FTCDNL1: variants seen among roughly 807,000 people sequenced by gnomAD.
FTCDNL1 encodes formiminotransferase N-terminal subdomain-containing protein.
In FTCDNL1, 11 loss-of-function variants were observed where a neutral mutation model predicts 5.9. The ratio of observed to expected loss-of-function variants is 1.87; its 90% confidence interval spans 1.18 to 3.10. FTCDNL1 has a LOEUF of 3.10. Ranked by LOEUF, FTCDNL1 falls within the 30% of genes most tolerant of loss-of-function variation. The pLI, the probability that FTCDNL1 is intolerant of heterozygous loss-of-function variation, is 0.00. For missense variants in FTCDNL1, 115 were observed against 65.5 expected, an observed-to-expected ratio of 1.76 and a Z score of -2.61; for synonymous variants, 58 against 24.8, an observed-to-expected ratio of 2.34 and a Z score of -3.99.
At chr2:199,697,160 T>C in the FTCDNL1 span, among the ~76,000 whole-genome samples, 2 of 152,044 alleles carry the variant, frequency 1.3e-5, no homozygotes, top group East Asian at 1.9e-4. Context: ...TAGTCCCAGC[T>C]ACTCGGGAGG....
chr2:199,700,150 C>T, the FTCDNL1 span, among the ~76,000 whole-genome samples: 1 of 152,090 alleles, frequency 6.6e-6, no homozygotes, highest in East Asian at 1.9e-4. Flanking sequence ...CCTAGAAACC[C>T]CCATAGTCTC....
the FTCDNL1 span, among the ~76,000 whole-genome samples, chr2:199,735,115 G>GGAAAAAAAA: frequency 1.2e-5 from 1 of 81,600 alleles, no homozygotes; most frequent in African/African-American, 4.7e-5. Flanking sequence ...ACTACCTTTA[G>GGAAAAAAAA]AAAAAAAAAA....
At chr2:199,780,992 G>T (rs866572855) in intron 3 of FTCDNL1, among the ~76,000 whole-genome samples, 3 of 152,154 alleles carry the variant, frequency 2.0e-5, no homozygotes, top group African/African-American at 4.8e-5. Context: ...CACAATCTCT[G>T]CCACAATGTA....
intron 3 of FTCDNL1, among the ~76,000 whole-genome samples, chr2:199,830,170 T>C (rs1362454277): frequency 6.6e-6 from 1 of 152,192 alleles, no homozygotes; most frequent in Admixed American, 6.5e-5. Context: ...TTTCTTACTT[T>C]CATATTTTTT....
chr2:199,835,829 T>A (rs1702694049), intron 3 of FTCDNL1, among the ~76,000 whole-genome samples: 4 of 152,082 alleles, frequency 2.6e-5, no homozygotes, highest in African/African-American at 9.7e-5. Flanking sequence ...AAACTCTGAG[T>A]GTTGTAGATA....
chr2:199,779,530 A>C (rs1197599931), intron 3 of FTCDNL1, among the ~76,000 whole-genome samples: 2 of 152,180 alleles, frequency 1.3e-5, no homozygotes, highest in Non-Finnish European at 2.9e-5. Context: ...CCACATGTGC[A>C]CTCATGATTT....
At chr2:199,815,019 A>G (rs758666456) in intron 4 of FTCDNL1, among the ~76,000 whole-genome samples, 1 of 152,206 alleles carries the variant, frequency 6.6e-6, no homozygotes, top group Non-Finnish European at 1.5e-5. Context: ...CAGTTCAAAG[A>G]ATTTTCCCTG....
chr2:199,819,708 G>T lies in FTCDNL1; in HGVS notation c.261C>A (p.Leu87=), dbSNP rs1253534375. 2 of 702,310 alleles carry T rather than the reference G, an allele frequency of 2.8e-6. No individual in the cohort carries two copies. Among genetic ancestry groups the T allele is most frequent in the Admixed American group, 4.0e-5 (2 of 49,996 alleles). 43.5% of individuals were successfully genotyped at this position (702,310 alleles called of 1,614,324 possible). A position where few individuals can be genotyped will look rare whatever the true frequency, so the allele number is the denominator to read the frequency against. The change falls in exon 4 of 5, where the codon CTC becomes CTA. Residue 87 remains leucine, a synonymous_variant. Transcript: ENST00000420128. The part of the protein sequence containing the change: ...VLHVPGCSVF[L]FGEADLPEKR... The stretch of plus-strand genomic sequence containing the variant: ...TCTCAGGCAGGTCAGCTTCGCCAAA[G>T]AGAAACACGCTGCAGCCAGGAACAT...
the FTCDNL1 span, among the ~76,000 whole-genome samples, chr2:199,675,896 G>A: frequency 1.8e-4 from 28 of 152,250 alleles, no homozygotes; most frequent in African/African-American, 6.5e-4. Context: ...GTCTACAGGA[G>A]CACACCACCA....
At chr2:199,763,046 G>A (rs1480284743) in intron 3 of FTCDNL1, among the ~76,000 whole-genome samples, 4 of 152,310 alleles carry the variant, frequency 2.6e-5, no homozygotes, top group South Asian at 2.1e-4. Flanking sequence ...AAAAAGTGAA[G>A]GAGTGAAAGA....
At chr2:199,715,895 C>T in the FTCDNL1 span, among the ~76,000 whole-genome samples, 6 of 151,946 alleles carry the variant, frequency 3.9e-5, no homozygotes, top group Non-Finnish European at 8.8e-5. Flanking sequence ...CAGATTAATC[C>T]CGCTCTGAAA....
At chr2:199,790,213 T>C (rs1267871587) in intron 3 of FTCDNL1, among the ~76,000 whole-genome samples, 4 of 151,538 alleles carry the variant, frequency 2.6e-5, no homozygotes, top group Admixed American at 2.6e-4. Flanking sequence ...GAAAAAAAAA[T>C]GCGGCTGGGC....
intron 3 of FTCDNL1, among the ~76,000 whole-genome samples, chr2:199,832,433 G>A (rs1702433344): frequency 6.6e-6 from 1 of 152,114 alleles, no homozygotes; most frequent in East Asian, 1.9e-4. Flanking sequence ...CTCCAAGACT[G>A]TCTGGATGTT....
chr2:199,676,134 C>A, the FTCDNL1 span, among the ~76,000 whole-genome samples: 23 of 152,194 alleles, frequency 1.5e-4, no homozygotes, highest in Non-Finnish European at 2.8e-4. Context: ...CATATAGCAC[C>A]CAGTAGTAAT....
At chr2:199,831,244 G>A (rs1702352865) in intron 3 of FTCDNL1, among the ~76,000 whole-genome samples, 1 of 152,148 alleles carries the variant, frequency 6.6e-6, no homozygotes, top group African/African-American at 2.4e-5. Flanking sequence ...GTCAGGATAA[G>A]CACTTAATTG....
chr2:199,838,521 G>A (rs893966665), intron 3 of FTCDNL1, among the ~76,000 whole-genome samples: 16 of 152,204 alleles, frequency 1.1e-4, no homozygotes, highest in African/African-American at 3.6e-4. Flanking sequence ...AAGCTGCAGA[G>A]AAAATGTGTG....
the FTCDNL1 span, among the ~76,000 whole-genome samples, chr2:199,723,874 G>A: frequency 1.5e-3 from 233 of 152,212 alleles, 5 homozygotes; most frequent in South Asian, 0.048. Flanking sequence ...GCCAGGTTTT[G>A]GTATCAGGAT....
intron 3 of FTCDNL1, among the ~76,000 whole-genome samples, chr2:199,841,571 T>C (rs1235597930): frequency 1.3e-5 from 2 of 152,224 alleles, no homozygotes; most frequent in Non-Finnish European, 2.9e-5. Flanking sequence ...ATTATACCTA[T>C]GTAAACATTG....
At chr2:199,728,519 A>T in the FTCDNL1 span, among the ~76,000 whole-genome samples, 3 of 152,132 alleles carry the variant, frequency 2.0e-5, no homozygotes, top group East Asian at 5.8e-4. Context: ...AAGTGCTGGG[A>T]TTACAGGCGT....
Sources: allele counts gnomAD v4.1 joint callset (sites outside exome capture counted in the v4.1 genomes callset), GRCh38; gene constraint gnomAD v4.1.1; transcripts MANE v1.5; gene names NCBI Gene and HGNC (gene_info 2026-07-23, HGNC 2026-07-21).